CXCL17: variants seen among roughly 807,000 people sequenced by gnomAD.
CXCL17 encodes the protein C-X-C motif chemokine 17.
Under a neutral mutation model 15.5 loss-of-function variants are expected in CXCL17, and 9 were observed. That is an observed-to-expected ratio of 0.58 (90% CI 0.35 to 1.01). The LOEUF (loss-of-function observed/expected upper bound fraction) is 1.01. CXCL17 is among the 50% of genes least tolerant of loss of function. CXCL17 has a pLI of 0.02. For missense variants in CXCL17, 133 were observed against 138.2 expected (o/e 0.96, Z 0.19); for synonymous variants, 52 against 52.3 (o/e 0.99, Z 0.02).
intron 1 of CXCL17, among the ~76,000 whole-genome samples, chr19:42,439,315 C>T (rs956856593): frequency 2.7e-5 from 4 of 150,582 alleles, no homozygotes; most frequent in African/African-American, 4.9e-5. Context: ...GGCAGAATTC[C>T]GATTAAATAA....
At chr19:42,442,545 T>A (rs901609808) in intron 1 of CXCL17, among the ~76,000 whole-genome samples, 11 of 152,180 alleles carry the variant, frequency 7.2e-5, no homozygotes, top group Admixed American at 1.3e-4. Context: ...GTTGCAGATA[T>A]TTTCACATAC....
intron 3 of CXCL17, among the ~76,000 whole-genome samples, chr19:42,431,922 T>C (rs2040785463): frequency 6.6e-6 from 1 of 151,506 alleles, no homozygotes; most frequent in Admixed American, 6.6e-5. Flanking sequence ...TCAATACAAA[T>C]ACTGCTATAA....
At chr19:42,436,496 T>C (rs1054005913) in intron 1 of CXCL17, among the ~76,000 whole-genome samples, 6 of 151,096 alleles carry the variant, frequency 4.0e-5, no homozygotes, top group African/African-American at 1.2e-4. Flanking sequence ...TTTTTTTTTT[T>C]CAGTCTAAAT....
chr19:42,439,423 A>G (rs1451378871), intron 1 of CXCL17, among the ~76,000 whole-genome samples: 2 of 152,122 alleles, frequency 1.3e-5, no homozygotes, highest in African/African-American at 2.4e-5. Flanking sequence ...CTAAAAGTTA[A>G]TATTAAAAGT....
intron 1 of CXCL17, among the ~76,000 whole-genome samples, chr19:42,439,253 C>A (rs1381470416): frequency 1.4e-4 from 11 of 77,480 alleles, no homozygotes; most frequent in African/African-American, 2.6e-4. Flanking sequence ...GACTCTATCT[C>A]AAAAAAAAAA....
In CXCL17 at chr19:42,429,005, G is replaced by T. The variant is rs569650808; in HGVS notation, c.263-24C>A. 36 of 1,564,726 alleles carry T rather than the reference G, an allele frequency of 2.3e-5. No individual in the cohort carries two copies. The South Asian group carries it at 3.9e-4, about 17-fold the overall frequency. On this transcript the variant is annotated intron_variant, in intron 3 of 3. Coordinates refer to ENST00000601181, the MANE Select transcript of CXCL17 (RefSeq NM_198477.3). ...TCCTAGGGTGCAAATAAAGGGGAGA[G>T]GCTAGTGTTAAAACCATTTTTAACA...
intron 3 of CXCL17, among the ~76,000 whole-genome samples, chr19:42,429,580 T>G (rs1182378148): frequency 4.6e-5 from 7 of 151,982 alleles, no homozygotes; most frequent in African/African-American, 1.7e-4. Flanking sequence ...CACCCGCTTT[T>G]GCCTCCCAAA....
chr19:42,432,061 G>A (rs183200592), intron 3 of CXCL17, among the ~76,000 whole-genome samples: 85 of 150,564 alleles, frequency 5.6e-4, no homozygotes, highest in Non-Finnish European at 9.3e-4. Context: ...TTTTACTTCC[G>A]TCAATAGTGT....
At chr19:42,442,574 C>G (rs561102785) in intron 1 of CXCL17, among the ~76,000 whole-genome samples, 180 bp downstream of exon 1, 3 of 152,260 alleles carry the variant, frequency 2.0e-5, no homozygotes, top group African/African-American at 7.2e-5. Context: ...GTTTAACTCT[C>G]TCAACATTGT....
chr19:42,439,082 C>T (rs780424258), intron 1 of CXCL17, among the ~76,000 whole-genome samples: 11 of 151,766 alleles, frequency 7.2e-5, no homozygotes, highest in African/African-American at 1.7e-4. Context: ...GACAAAACCC[C>T]GTCTCTACTA....
chr19:42,434,831 C>A (rs779805382), intron 1 of CXCL17, among the ~76,000 whole-genome samples: 1 of 152,038 alleles, frequency 6.6e-6, no homozygotes, highest in South Asian at 2.1e-4. Flanking sequence ...GGCCTTTATC[C>A]GAGCCTGTTT....
At chr19:42,442,622 A>G in intron 1 of CXCL17, 132 bp downstream of exon 1, 1 of 630,526 alleles carries the variant, frequency 1.6e-6, no homozygotes. Flanking sequence ...TTTGTAAAGG[A>G]GGAAACTGGC....
At chr19:42,437,498 C>T (rs975392680) in intron 1 of CXCL17, among the ~76,000 whole-genome samples, 10 of 152,158 alleles carry the variant, frequency 6.6e-5, no homozygotes, top group African/African-American at 1.9e-4. Context: ...ACTTAACTGT[C>T]GACTTGGACA....
At chr19:42,432,654 C>G (rs118086666) in intron 3 of CXCL17, among the ~76,000 whole-genome samples, 159 of 152,262 alleles carry the variant, frequency 1.0e-3, no homozygotes, top group Middle Eastern at 6.8e-3. Flanking sequence ...AGGGAGGAGT[C>G]AAATTCTGTT....
chr19:42,433,737 T>C (rs779906301), intron 2 of CXCL17, 39 bp downstream of exon 2: 10 of 1,553,924 alleles, frequency 6.4e-6, no homozygotes, highest in Non-Finnish European at 8.9e-6. Context: ...GCTGGGGTCA[T>C]GGTGATGCCA....
At position 42,440,522 on chromosome 19, in the gene CXCL17, C is replaced by T. The variant is rs372822512; in HGVS notation, c.79+2232G>A. Reference sequence around the variant, plus strand: ...GGTTTGTGATGGCGCCCCCTGGTGGCGCAGGGAGCTTTCCCCAGTTCCTCA... The same window carrying T: ...GGTTTGTGATGGCGCCCCCTGGTGGTGCAGGGAGCTTTCCCCAGTTCCTCA... On this transcript the variant is annotated intron_variant, in intron 1 of 3. Transcript: ENST00000601181. Among the ~76,000 whole-genome samples, 5 of 152,278 alleles carry T rather than the reference C, an allele frequency of 3.3e-5. No homozygotes were observed. The East Asian group carries it at 9.6e-4, about 29-fold the overall frequency.
chr19:42,432,065 A>G (rs543184496), intron 3 of CXCL17, among the ~76,000 whole-genome samples: 4 of 152,086 alleles, frequency 2.6e-5, no homozygotes, highest in African/African-American at 7.2e-5. Context: ...ACTTCCGTCA[A>G]TAGTGTATAA....
chr19:42,431,176 T>C (rs2040776676), intron 3 of CXCL17, among the ~76,000 whole-genome samples: 2 of 152,226 alleles, frequency 1.3e-5, no homozygotes, highest in Non-Finnish European at 2.9e-5. Context: ...CTTGTAATAA[T>C]AAGGTTGAGT....
intron 1 of CXCL17, among the ~76,000 whole-genome samples, chr19:42,435,821 CT>C (rs2040828933): frequency 1.1e-5 from 1 of 94,098 alleles, no homozygotes; most frequent in Non-Finnish European, 2.0e-5. Context: ...CAAAGCAAGA[CT>C]TTGTCTAAAA....
Sources: gnomAD v4.1 joint callset for allele counts (sites outside exome capture counted in the v4.1 genomes callset) on GRCh38, gnomAD v4.1.1 for gene constraint, MANE v1.5 for transcripts, NCBI Gene and HGNC (gene_info 2026-07-23, HGNC 2026-07-21) for gene names.